PACS2: variants seen among roughly 807,000 people sequenced by gnomAD.
PACS2 encodes phosphofurin acidic cluster sorting protein 2.
PACS2 carries 36 observed loss-of-function variants against 113.0 expected under a neutral mutation model. The ratio of observed to expected loss-of-function variants is 0.32; its 90% CI spans 0.24 to 0.42. PACS2 has a LOEUF of 0.42. PACS2 is among the 10% of genes least tolerant of loss of function. The probability of loss-of-function intolerance (pLI) is 1.00; values close to 1 mark genes in which losing one functional copy is unlikely to be tolerated. For synonymous variants in PACS2, 589 were observed against 536.1 expected, an observed-to-expected ratio of 1.10 and a Z score of -1.36; for missense variants, 1,015 against 1,239.5, an observed-to-expected ratio of 0.82 and a Z score of 2.72.
intron 15 of PACS2, 99 bp downstream of exon 15, chr14:105,383,012 C>G (rs2081046935): frequency 1.4e-6 from 1 of 730,802 alleles, no homozygotes; most frequent in African/African-American, 1.7e-5. Flanking sequence ...GCGTCCTGGA[C>G]CTGGGGCTGT....
rs924332550 is a variant in PACS2 at position 105,379,977 on chromosome 14, C to T, written c.1051-103C>T. On this transcript the variant is annotated intron_variant, in intron 10 of 24. Transcript: ENST00000447393. Reference sequence around the variant, plus strand: ...ACCCACTGTCCAGCACACTGCCACGCAGGTACCCCGGGCCTCCCTGAGTCC... The same window carrying T: ...ACCCACTGTCCAGCACACTGCCACGTAGGTACCCCGGGCCTCCCTGAGTCC... 2.3e-6 allele frequency: 3 copies of T among 1,323,594 alleles called. No homozygotes were observed. In the African/African-American group the frequency reaches 4.4e-5, roughly 19 times the overall value. 82.0% of individuals were successfully genotyped at this position (1,323,594 alleles called of 1,614,324 possible).
chr14:105,370,298 C>T (rs587630144), intron 8 of PACS2: 1 of 89,104 alleles, frequency 1.1e-5, no homozygotes, highest in African/African-American at 4.8e-5. Flanking sequence ...TTGACATGGG[C>T]CCCCCCTCCC....
intron 23 of PACS2, 116 bp downstream of exon 23, chr14:105,392,961 C>T (rs781829815): frequency 4.5e-5 from 36 of 808,700 alleles, no homozygotes; most frequent in African/African-American, 3.9e-4. Context: ...AGCCCACATG[C>T]GCAGGCAGGG....
chr14:105,374,191 CTCCATCTGTG>C (rs1192852651), intron 8 of PACS2, among the ~76,000 whole-genome samples: 2 of 150,858 alleles, frequency 1.3e-5, no homozygotes, highest in African/African-American at 4.9e-5. Context: ...GATCAAATAT[CTCCATCTGTG>C]AGCTAAGATT....
chr14:105,369,800 G>T, intron 7 of PACS2, 41 bp from the exon 8 acceptor site: 2 of 1,516,852 alleles, frequency 1.3e-6, no homozygotes, highest in Non-Finnish European at 8.8e-7. Flanking sequence ...CGGGTCTGCA[G>T]CTCTGGCGGC....
At chr14:105,390,336 G>T (rs2081314567) in intron 20 of PACS2, 1 of 384,526 alleles carries the variant, frequency 2.6e-6, no homozygotes, top group African/African-American at 2.0e-5. Flanking sequence ...GTTGGGGAGG[G>T]CGCCTCTGTC....
chr14:105,379,608 C>A (rs2080908219), intron 9 of PACS2, 131 bp from the exon 10 acceptor site: 2 of 728,130 alleles, frequency 2.7e-6, no homozygotes, highest in African/African-American at 1.8e-5. Context: ...ACGGGCTCTT[C>A]TCTGGACCCA....
chr14:105,382,623 A>G, intron 14 of PACS2, 42 bp downstream of exon 14: 1 of 1,282,158 alleles, frequency 7.8e-7, no homozygotes, highest in Non-Finnish European at 1.1e-6. Context: ...AGGGTGTAGG[A>G]CAGAGGAGAG....
rs782804554 is a variant in PACS2 at position 105,367,259 on chromosome 14, G to T, written c.470G>T (p.Ser157Ile). ...GGTGGCCAGGTGCTGAGCCTCTGCA[G>T]CAGCATCAAGGAGGCCCCCGTCAAG... ...SEGGQVLSLC[S>I]SIKEAPVKAA... Residue 157 changes from serine to isoleucine, a missense_variant, in exon 5 of 25, where the codon AGC becomes ATC. Physicochemically the swap from Ser to Ile is moderately radical, Grantham distance 142. Coordinates refer to ENST00000447393, the MANE Select transcript of PACS2 (RefSeq NM_001100913.3). 6.2e-7 allele frequency: 1 copy of T among 1,613,136 alleles called. No individual in the cohort carries two copies. Among genetic ancestry groups the T allele is most frequent in the East Asian group, 2.2e-5 (1 of 44,886 alleles).
intron 1 of PACS2, among the ~76,000 whole-genome samples, chr14:105,318,205 A>C (rs2058745771): frequency 6.6e-6 from 1 of 151,250 alleles, no homozygotes; most frequent in African/African-American, 2.4e-5. Context: ...CTGGTCTTGA[A>C]CTCCTGGGCT....
chr14:105,352,152 C>T (rs1478500417), intron 2 of PACS2, among the ~76,000 whole-genome samples: 2 of 152,208 alleles, frequency 1.3e-5, no homozygotes, highest in Non-Finnish European at 2.9e-5. Context: ...TGTCTTAGGG[C>T]AGATTCCTGG....
chr14:105,342,808 G>A (rs1412868528), intron 1 of PACS2, among the ~76,000 whole-genome samples: 8 of 151,630 alleles, frequency 5.3e-5, no homozygotes, highest in Admixed American at 5.3e-4. Flanking sequence ...GGTGGTGCAC[G>A]CCTGTAGTCC....
intron 1 of PACS2, among the ~76,000 whole-genome samples, chr14:105,327,084 A>G (rs1055319655): frequency 6.6e-6 from 1 of 152,166 alleles, no homozygotes; most frequent in African/African-American, 2.4e-5. Context: ...TAAATACAGC[A>G]CCTATCAGGT....
intron 2 of PACS2, among the ~76,000 whole-genome samples, chr14:105,351,569 G>A (rs1555403992): frequency 6.6e-6 from 1 of 152,228 alleles, no homozygotes; most frequent in Non-Finnish European, 1.5e-5. Flanking sequence ...GCCAGGTGCA[G>A]TGGCTCATGC....
At chr14:105,392,973 C>T (rs937383867) in intron 23 of PACS2, 128 bp downstream of exon 23, 18 of 725,612 alleles carry the variant, frequency 2.5e-5, no homozygotes, top group African/African-American at 5.2e-5. Context: ...CAGGCAGGGG[C>T]GGGTGGGGTG....
rs782797941 is a variant in PACS2, at chr14:105,376,811, C to T, written c.845C>T (p.Ala282Val). 2.5e-6 allele frequency: 4 copies of T among 1,613,134 alleles called. No homozygotes were observed. The highest frequency in any genetic ancestry group is 2.2e-5 in the South Asian group (2 of 91,086). ...GACCCTGCGGAGCACATCCCCGAGGCAGAGGAGGACCTGGACCTCCTGTAT... is the reference window on the plus strand; with the variant it reads ...GACCCTGCGGAGCACATCCCCGAGGTAGAGGAGGACCTGGACCTCCTGTAT... ...EQDPAEHIPE[A>V]EEDLDLLYDT... Residue 282 changes from alanine (A) to valine (V), a missense_variant, in exon 9 of 25, where the codon GCA (alanine) becomes GTA (valine). Coordinates refer to ENST00000447393, the MANE Select transcript of PACS2 (RefSeq NM_001100913.3). This position sits in a 1 kb window ranked among gnomAD's most constrained non-coding sequence, Gnocchi z 4.7.
Position 105,383,373 on chromosome 14 carries a change from C to T in PACS2, c.1640C>T (p.Ser547Phe). ...SRIQRYCNCN[S>F]QPPTPVKIAV... ...CTGGATTGCAGCTGCAACTGCAATTCCCAGCCCCCGACCCCCGTGAAGATC... is the reference window on the plus strand; with the variant it reads ...CTGGATTGCAGCTGCAACTGCAATTTCCAGCCCCCGACCCCCGTGAAGATC... The change falls in exon 16 of 25, where the codon TCC becomes TTC. Residue 547 changes from serine to phenylalanine, a missense_variant. This residue lies in a region of PACS2 where 859 missense variants were observed against 1,056.8 expected (regional missense o/e 0.81). Coordinates refer to ENST00000447393, the MANE Select transcript of PACS2 (RefSeq NM_001100913.3). The T allele has an allele frequency of 6.2e-7, 1 of 1,607,736 alleles. No homozygotes were observed. Among genetic ancestry groups the T allele is most frequent in the Non-Finnish European group, 8.5e-7 (1 of 1,179,956 alleles).
chr14:105,383,598 C>T (rs1382125478), intron 16 of PACS2, 85 bp downstream of exon 16: 7 of 1,367,234 alleles, frequency 5.1e-6, no homozygotes, highest in East Asian at 2.4e-5. Context: ...CGTGGCGTGG[C>T]GTGTTGTGTG....
intron 1 of PACS2, among the ~76,000 whole-genome samples, chr14:105,328,007 G>A (rs2059184596): frequency 6.6e-6 from 1 of 152,276 alleles, no homozygotes; most frequent in Non-Finnish European, 1.5e-5. Context: ...GCCACCCGAG[G>A]TTTCACTGCG....
Sources: gnomAD v4.1 joint callset for allele counts (sites outside exome capture counted in the v4.1 genomes callset) on GRCh38, gnomAD v4.1.1 for gene constraint, gnomAD v4.1.1 regional missense constraint, Gnocchi (gnomAD v3.1) non-coding constraint, MANE v1.5 for transcripts, NCBI Gene and HGNC (gene_info 2026-07-23, HGNC 2026-07-21) for gene names.